CHN2: variants seen among roughly 807,000 people sequenced by gnomAD.
CHN2 encodes the protein chimerin 2.
CHN2 carries 35 observed loss-of-function variants against 56.3 expected under a neutral mutation model. That is an observed-to-expected ratio of 0.62 (90% CI 0.47 to 0.82). The LOEUF is 0.82. Among genes scored for constraint, CHN2 ranks in the 40% least tolerant of loss-of-function variants. The probability of loss-of-function intolerance (pLI) is 0.00; values close to 1 mark genes in which losing one functional copy is unlikely to be tolerated. For missense variants in CHN2, 491 were observed against 580.5 expected (o/e 0.85, Z 1.58); for synonymous variants, 210 against 212.8 (o/e 0.99, Z 0.12).
intron 1 of CHN2, chr7:29,292,763 A>G (rs1792740123): frequency 2.6e-6 from 1 of 379,110 alleles, no homozygotes; most frequent in Non-Finnish European, 5.4e-6. Flanking sequence ...AACACCCTGC[A>G]TTTCATTGAC....
At chr7:29,295,314 AACACACACACAC>A (rs58693628) in intron 1 of CHN2, among the ~76,000 whole-genome samples, 43 of 144,962 alleles carry the variant, frequency 3.0e-4, no homozygotes, top group Non-Finnish European at 5.0e-4. Context: ...TTTAGCTGTG[AACACACACACAC>A]ACACACACAC....
chr7:29,188,541 TA>T lies in CHN2; in HGVS notation c.274+41589del, dbSNP rs200976369. On this transcript the variant is annotated intron_variant, in intron 2 of 6. Coordinates refer to the CHN2 transcript ENST00000439384. ...TACTCTCCTTTTTTTATTTTTTTTT[TA>T]AAAAAAAGAGGATTTCTGTTTTGTT... Among the ~76,000 whole-genome samples, 349 of 151,902 alleles carry T rather than the reference TA, an allele frequency of 2.3e-3. 3 individuals are homozygous for T. Among genetic ancestry groups the T allele is most frequent in the African/African-American group, 8.2e-3 (341 of 41,450 alleles).
intron 1 of CHN2, among the ~76,000 whole-genome samples, chr7:29,326,333 T>C (rs148846767): frequency 1.5e-3 from 227 of 152,270 alleles, no homozygotes; most frequent in African/African-American, 5.1e-3. Context: ...AATTTTTGTA[T>C]TTTTAGTAGA....
rs566017027 is a variant in CHN2 at position 29,194,865 on chromosome 7, C to G, written c.-77C>G. On this transcript the variant is annotated 5_prime_UTR_variant, in exon 1 of 13. Coordinates refer to ENST00000222792, the MANE Select transcript of CHN2 (RefSeq NM_004067.4). ...CATGGGCTGGGGGCCGCGGAGGCTG[C>G]GAGCGGCCGGGCGAGGGCAGCGGCG... 31 of 1,300,508 alleles carry G rather than the reference C, an allele frequency of 2.4e-5. No individual in the cohort carries two copies. The highest frequency in any genetic ancestry group is 8.0e-5 in the South Asian group (4 of 50,150). 80.6% of individuals were successfully genotyped at this position (1,300,508 alleles called of 1,614,324 possible). A position where few individuals can be genotyped will look rare whatever the true frequency, so the allele number is the denominator to read the frequency against.
At chr7:29,473,309 T>G (rs1446673125) in intron 6 of CHN2, among the ~76,000 whole-genome samples, 1 of 152,188 alleles carries the variant, frequency 6.6e-6, no homozygotes, top group Non-Finnish European at 1.5e-5. Context: ...GGCAATCCCC[T>G]TGAACTGAAG....
At chr7:29,220,155 A>G (rs1165278752) in intron 1 of CHN2, among the ~76,000 whole-genome samples, 3 of 152,030 alleles carry the variant, frequency 2.0e-5, no homozygotes, top group Middle Eastern at 3.2e-3. Context: ...CTAGAAAATA[A>G]TCAGCAAATT....
At chr7:29,448,659 G>A (rs1784193998) in intron 6 of CHN2, among the ~76,000 whole-genome samples, 1 of 152,130 alleles carries the variant, frequency 6.6e-6, no homozygotes, top group South Asian at 2.1e-4. Context: ...TCACCTCCAA[G>A]TCTTTGCAAA....
chr7:29,464,928 G>A (rs1234967047), intron 6 of CHN2, among the ~76,000 whole-genome samples: 1 of 152,190 alleles, frequency 6.6e-6, no homozygotes, highest in Non-Finnish European at 1.5e-5. Context: ...TTTCCTGAGT[G>A]CAATGCCAGA....
At chr7:29,376,356 C>T (rs1800079044) in intron 3 of CHN2, 2 of 152,158 alleles carry the variant, frequency 1.3e-5, no homozygotes, top group Admixed American at 1.3e-4. Context: ...ACAGGAAGCA[C>T]AAGAGGGGCA....
intron 3 of CHN2, among the ~76,000 whole-genome samples, chr7:29,387,282 C>A (rs1030639038): frequency 6.6e-6 from 1 of 152,124 alleles, no homozygotes; most frequent in African/African-American, 2.4e-5. Context: ...ATTTTTATAA[C>A]CCCAGTTTTA....
chr7:29,285,563 C>T (rs905713053), intron 1 of CHN2, among the ~76,000 whole-genome samples: 4 of 152,192 alleles, frequency 2.6e-5, no homozygotes, highest in Non-Finnish European at 5.9e-5. Context: ...TTTGCTTTTT[C>T]GCAACCACAA....
intron 2 of CHN2, among the ~76,000 whole-genome samples, chr7:29,357,859 G>A (rs988141050): frequency 1.3e-5 from 2 of 152,160 alleles, no homozygotes; most frequent in African/African-American, 4.8e-5. Context: ...TAAATAAACT[G>A]TTGGTAAACC....
At chr7:29,370,718 A>T (rs1238498676) in intron 3 of CHN2, among the ~76,000 whole-genome samples, 1 of 152,142 alleles carries the variant, frequency 6.6e-6, no homozygotes. Context: ...AAAGTGTGCA[A>T]TTAGAGAGAT....
intron 1 of CHN2, among the ~76,000 whole-genome samples, chr7:29,296,579 A>G (rs559083524): frequency 3.3e-5 from 5 of 152,224 alleles, no homozygotes; most frequent in South Asian, 4.1e-4. Flanking sequence ...GCATTTCCCT[A>G]ACAGACTCAG....
rs57273690 is a variant in CHN2, at chr7:29,242,759, GAAAAAAAAAAAAAAAA to G, written c.49+47780_49+47795del. 6.7e-5 allele frequency among the ~76,000 whole-genome samples: 4 copies of G among 59,730 alleles called. No homozygotes were observed. In the East Asian group the frequency reaches 1.1e-3, roughly 16 times the overall value. The allele number at this position is 59,730 out of a possible 152,430, so 39.2% of individuals were successfully genotyped here. ...AATATACAGAACTGACTTTCCTTCT[GAAAAAAAAAAAAAAAA>G]AAAAAAAAAAGGACAGGAAGAAAAG... On this transcript the variant is annotated intron_variant, in intron 1 of 12. Transcript: ENST00000222792.
At chr7:29,507,167 C>A in intron 10 of CHN2, 61 bp from the exon 11 acceptor site, 13 of 1,208,652 alleles carry the variant, frequency 1.1e-5, no homozygotes, top group South Asian at 3.9e-5. Flanking sequence ...TTTTTCCTTT[C>A]TGTACATGCC....
chr7:29,394,540 C>A (rs568795674), intron 4 of CHN2, among the ~76,000 whole-genome samples: 17 of 152,330 alleles, frequency 1.1e-4, no homozygotes, highest in African/African-American at 3.6e-4. Context: ...GGGGTCCCAG[C>A]CCCGTGCACC....
intron 7 of CHN2, among the ~76,000 whole-genome samples, chr7:29,485,791 C>T (rs1181217861): frequency 6.6e-6 from 1 of 152,060 alleles, no homozygotes; most frequent in African/African-American, 2.4e-5. Flanking sequence ...GCCCTGGAGC[C>T]ATCAGAGTCT....
intron 6 of CHN2, chr7:29,479,782 A>T (rs1056488994): frequency 5.8e-6 from 7 of 1,205,752 alleles, no homozygotes; most frequent in Non-Finnish European, 7.3e-6. Flanking sequence ...CGGCAGGAGA[A>T]AGCAGGCTGC....
Sources: allele counts gnomAD v4.1 joint callset (sites outside exome capture counted in the v4.1 genomes callset), GRCh38; gene constraint gnomAD v4.1.1; transcripts MANE v1.5; gene names NCBI Gene and HGNC (gene_info 2026-07-23, HGNC 2026-07-21).